The following LNPEP variants were observed in gnomAD, a reference collection of about 807,000 sequenced individuals.
The protein encoded by LNPEP is leucyl and cystinyl aminopeptidase, also known as leucyl-cystinyl aminopeptidase.
Under a neutral mutation model 120.6 loss-of-function variants are expected in LNPEP, and 64 were observed. The observed-to-expected ratio is 0.53, with a 90% CI of 0.43 to 0.65. The LOEUF is 0.65. LNPEP is among the 30% of genes least tolerant of loss of function. The pLI is 0.00. For synonymous variants in LNPEP, 435 were observed against 425.4 expected, an observed-to-expected ratio of 1.02 and a Z score of -0.28; for missense variants, 1,057 against 1,200.0, an observed-to-expected ratio of 0.88 and a Z score of 1.76.
chr5:96,936,403 CT>C, intron 1 of LNPEP: 2 of 410,230 alleles, frequency 4.9e-6, no homozygotes, highest in Non-Finnish European at 8.6e-6. Context: ...GCCGCCGCCG[CT>C]CGCCCGGGGT....
intron 1 of LNPEP, among the ~76,000 whole-genome samples, chr5:96,962,054 A>G (rs1319914568): frequency 6.6e-6 from 1 of 152,186 alleles, no homozygotes; most frequent in African/African-American, 2.4e-5. Flanking sequence ...GTGTTTCTAC[A>G]CATTTCTATA....
intron 11 of LNPEP, chr5:97,010,456 A>T: frequency 1.0e-6 from 1 of 985,332 alleles, no homozygotes; most frequent in Non-Finnish European, 1.2e-6. Flanking sequence ...AGGAGAAAGA[A>T]AGGGGTATTA....
At chr5:96,945,464 A>G (rs553273704) in intron 1 of LNPEP, among the ~76,000 whole-genome samples, 8 of 150,792 alleles carry the variant, frequency 5.3e-5, no homozygotes, top group Admixed American at 5.3e-4. Flanking sequence ...GTTCCACACA[A>G]GAGACAGCTT....
chr5:97,011,113 T>C (rs1355245788), intron 11 of LNPEP: 18 of 985,322 alleles, frequency 1.8e-5, no homozygotes, highest in Non-Finnish European at 2.2e-5. Context: ...ATTTCAATGT[T>C]TTCTGCATCC....
chr5:96,940,296 C>T (rs1478819054), intron 1 of LNPEP, among the ~76,000 whole-genome samples: 1 of 152,058 alleles, frequency 6.6e-6, no homozygotes, highest in Non-Finnish European at 1.5e-5. Flanking sequence ...CTTGAGAACT[C>T]AGCCTGAAAG....
At chr5:97,021,269 C>T (rs1478860902) in intron 13 of LNPEP, among the ~76,000 whole-genome samples, 1 of 152,162 alleles carries the variant, frequency 6.6e-6, no homozygotes, top group Non-Finnish European at 1.5e-5. Flanking sequence ...GTTATACACA[C>T]TTGAAAATGA....
chr5:97,002,734 A>G lies in LNPEP; in HGVS notation c.1654-681A>G, dbSNP rs529992085. Among the ~76,000 whole-genome samples, 6 of 152,302 alleles carry G rather than the reference A, an allele frequency of 3.9e-5. No individual in the cohort carries two copies. In the East Asian group the frequency reaches 1.2e-3, roughly 29 times the overall value. On this transcript the variant is annotated intron_variant, in intron 8 of 17. Coordinates refer to ENST00000231368, the MANE Select transcript of LNPEP (RefSeq NM_005575.3). ...GCCATATAAATTGTATTGAAGATGG[A>G]GAAATGTGATTTCTATTTCAAACCG...
chr5:97,027,784 C>T lies in LNPEP; in HGVS notation c.2916C>T (p.Tyr972=). Residue 972 remains tyrosine, a synonymous_variant, in exon 17 of 18, where the codon TAC becomes TAT. Transcript: ENST00000231368. ...AAAATATTGTTGCTGGATCAACTTA[C>T]CTGTTTTCAACAAAGACACATTTAT... is the stretch of plus-strand genomic sequence containing the variant. The part of the protein sequence containing the change: ...TIQNIVAGST[Y]LFSTKTHLSE... 2 of 1,609,384 alleles carry T rather than the reference C, an allele frequency of 1.2e-6. No homozygotes were observed. Among genetic ancestry groups the T allele is most frequent in the South Asian group, 1.1e-5 (1 of 90,974 alleles).
chr5:96,960,718 T>C (rs1789581676), intron 1 of LNPEP, among the ~76,000 whole-genome samples: 1 of 152,194 alleles, frequency 6.6e-6, no homozygotes, highest in African/African-American at 2.4e-5. Context: ...TTTTATCACC[T>C]AGGCAGAAAA....
intron 11 of LNPEP, among the ~76,000 whole-genome samples, chr5:97,008,662 CTT>C (rs757725207): frequency 2.3e-4 from 20 of 85,442 alleles, no homozygotes; most frequent in Admixed American, 6.6e-4. Context: ...CCTCTTTACT[CTT>C]TTTTTTTTTT....
chr5:96,976,755 A>G (rs1158154783), intron 1 of LNPEP, among the ~76,000 whole-genome samples: 2 of 152,114 alleles, frequency 1.3e-5, no homozygotes, highest in East Asian at 3.8e-4. Context: ...TAAATTAAAA[A>G]AAAAAATTAA....
In LNPEP at chr5:97,022,358, G is replaced by T. The variant is rs1323434993; in HGVS notation, c.2435G>T (p.Gly812Val). 2 of 1,613,518 alleles carry T rather than the reference G, an allele frequency of 1.2e-6. No homozygotes were observed. The highest frequency in any genetic ancestry group is 2.7e-5 in the African/African-American group (2 of 74,860). Residue 812 changes from glycine (G) to valine (V), a missense_variant, in exon 14 of 18, where the codon GGC (glycine) becomes GTC (valine). Gly to Val is a moderately radical substitution (Grantham distance 109). Transcript: ENST00000231368. ...CAACAACAAACTTGGACTGATGAGG[G>T]CACTCCATCTATGCGAGAGCTTCGG... ...QIQQQTWTDE[G>V]TPSMRELRSA... is the part of the protein sequence containing the mutation.
intron 1 of LNPEP, among the ~76,000 whole-genome samples, chr5:96,950,565 ACTCT>A (rs1225894511): frequency 6.6e-6 from 1 of 152,204 alleles, no homozygotes; most frequent in Non-Finnish European, 1.5e-5. Flanking sequence ...GAAAGGCAGG[ACTCT>A]CTATTAGTTG....
At chr5:96,977,567 C>G (rs1172529629) in intron 1 of LNPEP, among the ~76,000 whole-genome samples, 1 of 152,132 alleles carries the variant, frequency 6.6e-6, no homozygotes, top group African/African-American at 2.4e-5. Flanking sequence ...TAGGTGGAGA[C>G]TTCAGAGGCT....
At chr5:96,958,443 T>C in intron 1 of LNPEP, 3 of 985,246 alleles carry the variant, frequency 3.0e-6, no homozygotes, top group Non-Finnish European at 3.6e-6. Flanking sequence ...ACAGCTGAAC[T>C]TGGGCAAGCT....
chr5:96,968,777 A>T (rs1789789409), intron 1 of LNPEP, among the ~76,000 whole-genome samples: 3 of 152,090 alleles, frequency 2.0e-5, no homozygotes, highest in African/African-American at 7.2e-5. Flanking sequence ...GACAAAGTGA[A>T]GTGGCTATAG....
At chr5:96,991,628 A>G (rs1163506975) in intron 4 of LNPEP, among the ~76,000 whole-genome samples, 2 of 152,054 alleles carry the variant, frequency 1.3e-5, no homozygotes, top group Non-Finnish European at 2.9e-5. Context: ...TTGTCTTTTC[A>G]TGTCCTTAGC....
intron 1 of LNPEP, among the ~76,000 whole-genome samples, chr5:96,976,543 G>T (rs1790000240): frequency 6.6e-6 from 1 of 152,106 alleles, no homozygotes; most frequent in South Asian, 2.1e-4. Context: ...GGACAGAATT[G>T]AGAGATTGGA....
intron 10 of LNPEP, 51 bp from the exon 11 acceptor site, chr5:97,006,376 A>T: frequency 2.5e-6 from 3 of 1,210,686 alleles, no homozygotes; most frequent in Non-Finnish European, 3.5e-6. Context: ...ACCAAATTAA[A>T]AAAAAAAAAA....
Sources: gnomAD v4.1 joint callset for allele counts (sites outside exome capture counted in the v4.1 genomes callset) on GRCh38, gnomAD v4.1.1 for gene constraint, MANE v1.5 for transcripts, NCBI Gene and HGNC (gene_info 2026-07-23, HGNC 2026-07-21) for gene names.